Variants in RALGDS observed in about 807,000 individuals in gnomAD.
RALGDS encodes ral guanine nucleotide exchange factor.
RALGDS carries 44 observed loss-of-function variants against 99.8 expected under a neutral mutation model. The observed-to-expected ratio is 0.44, with a 90% confidence interval of 0.35 to 0.57. The LOEUF is 0.57. Among genes scored for constraint, RALGDS ranks in the 20% least tolerant of loss-of-function variants. RALGDS has a pLI of 0.01. For synonymous variants in RALGDS, 529 were observed against 505.0 expected (o/e 1.05, Z -0.64); for missense variants, 1,022 against 1,203.1 (o/e 0.85, Z 2.23).
intron 2 of RALGDS, among the ~76,000 whole-genome samples, chr9:133,111,599 T>C (rs1369504188): frequency 6.6e-6 from 1 of 152,214 alleles, no homozygotes; most frequent in African/African-American, 2.4e-5. Context: ...ACTGTTGAAG[T>C]GTCCTCAGAG....
chr9:133,148,802 C>T (rs1413552184), intron 1 of RALGDS, among the ~76,000 whole-genome samples: 1 of 152,212 alleles, frequency 6.6e-6, no homozygotes, highest in Non-Finnish European at 1.5e-5. Flanking sequence ...CTCTCCTGTC[C>T]TCAGTTTCCC....
At chr9:133,101,887 T>C in intron 15 of RALGDS, 51 bp downstream of exon 15, 1 of 1,550,884 alleles carries the variant, frequency 6.4e-7, no homozygotes, top group Non-Finnish European at 8.7e-7. Flanking sequence ...CATGCATGGA[T>C]TTGGAGTGGG....
At chr9:133,146,184 T>C (rs1429333181) in intron 1 of RALGDS, among the ~76,000 whole-genome samples, 2 of 144,076 alleles carry the variant, frequency 1.4e-5, no homozygotes, top group Admixed American at 6.9e-5. Flanking sequence ...TGTTTGTTTG[T>C]TTGTTTGTTC....
intron 1 of RALGDS, among the ~76,000 whole-genome samples, chr9:133,120,185 G>A (rs1238133682): frequency 6.6e-6 from 1 of 152,110 alleles, no homozygotes; most frequent in East Asian, 1.9e-4. Flanking sequence ...ACCACCCAGA[G>A]ACCCAGGGCA....
chr9:133,120,393 CGTGT>C (rs1323272060), intron 1 of RALGDS, among the ~76,000 whole-genome samples: 1 of 151,456 alleles, frequency 6.6e-6, no homozygotes, highest in Non-Finnish European at 1.5e-5. Flanking sequence ...TCTGGTCCCA[CGTGT>C]TGGAGGCCTG....
intron 1 of RALGDS, among the ~76,000 whole-genome samples, chr9:133,117,312 G>A (rs558398065): frequency 2.1e-4 from 32 of 152,262 alleles, no homozygotes; most frequent in Admixed American, 8.5e-4. Flanking sequence ...TCAGGAGCAC[G>A]TCTACATCTG....
chr9:133,129,155 G>T (rs1287782422), intron 1 of RALGDS: 1 of 1,595,394 alleles, frequency 6.3e-7, no homozygotes. Context: ...GGTGGCCGGT[G>T]CTGGCAGAGG....
chr9:133,128,984 G>A (rs1256648665), intron 1 of RALGDS, among the ~76,000 whole-genome samples: 1 of 152,188 alleles, frequency 6.6e-6, no homozygotes, highest in African/African-American at 2.4e-5. Flanking sequence ...TACCCGAGAT[G>A]GGAGATGAAG....
intron 1 of RALGDS, 97 bp downstream of exon 1, chr9:133,120,875 G>A: frequency 1.6e-6 from 2 of 1,290,126 alleles, no homozygotes; most frequent in South Asian, 1.7e-5. Context: ...CGCTGGGATC[G>A]CCCGGCCCCG....
chr9:133,112,658 C>T (rs572557140), intron 1 of RALGDS, among the ~76,000 whole-genome samples: 3 of 152,206 alleles, frequency 2.0e-5, no homozygotes, highest in Admixed American at 2.0e-4. Flanking sequence ...GGCATCCTCA[C>T]ACTCACCCCT....
At chr9:133,129,044 A>G in intron 1 of RALGDS, 1 of 1,376,442 alleles carries the variant, frequency 7.3e-7, no homozygotes, top group African/African-American at 1.5e-5. Flanking sequence ...CAGGGAAGAA[A>G]GGGAGTCCTG....
At chr9:133,101,339 C>A (rs532494418) in intron 16 of RALGDS, 181 bp downstream of exon 16, 27 of 1,473,960 alleles carry the variant, frequency 1.8e-5, no homozygotes, top group South Asian at 1.3e-4. Flanking sequence ...CTTTCCTCCC[C>A]CTCTGCCCTC....
Position 133,141,168 on chromosome 9 carries a change from G to A in RALGDS, c.18+7795C>T, listed in dbSNP as rs370989246. On this transcript the variant is annotated intron_variant, in intron 1 of 17. Coordinates refer to the RALGDS transcript ENST00000393160. ...CTCCATGAGAGCACCGGGAGTTCCT[G>A]CAGAGTTGTCACCAACAGTCCTACC... Among the ~76,000 whole-genome samples the A allele has an allele frequency of 2.6e-5, 4 of 152,144 alleles. No individual in the cohort carries two copies. In the East Asian group the frequency reaches 7.7e-4, roughly 29 times the overall value.
intron 3 of RALGDS, among the ~76,000 whole-genome samples, chr9:133,109,989 A>G (rs1831262090): frequency 6.6e-6 from 1 of 152,186 alleles, no homozygotes; most frequent in Non-Finnish European, 1.5e-5. Context: ...TGCTTCGCCC[A>G]AGGCCACATA....
upstream of RALGDS, among the ~76,000 whole-genome samples, chr9:133,132,725 C>T (rs1278979360): frequency 2.6e-5 from 4 of 152,050 alleles, no homozygotes; most frequent in African/African-American, 4.8e-5. Flanking sequence ...CTGCAACCTC[C>T]GACTCCCGGG....
chr9:133,104,854 G>A (rs1249749462), intron 9 of RALGDS, among the ~76,000 whole-genome samples: 1 of 152,128 alleles, frequency 6.6e-6, no homozygotes, highest in East Asian at 1.9e-4. Flanking sequence ...GGGCCTCAGA[G>A]ACTCTGCGCT....
chr9:133,103,695 AG>A (rs1830868529), intron 11 of RALGDS, 51 bp downstream of exon 11: 1 of 1,566,508 alleles, frequency 6.4e-7, no homozygotes, highest in Admixed American at 1.7e-5. Context: ...CCCAGGGCTC[AG>A]GGAAGGTCTC....
In RALGDS at chr9:133,102,790, G is replaced by T; in HGVS notation, c.1902C>A (p.Ser634Arg). 6.2e-7 allele frequency: 1 copy of T among 1,612,320 alleles called. No individual in the cohort carries two copies. Among genetic ancestry groups the T allele is most frequent in the Non-Finnish European group, 8.5e-7 (1 of 1,179,852 alleles). ...GAWFRAVERL[S>R]ETESYNLSCE... ...TGCCCCGGCCTCACCTCTCAGTCTC[G>T]CTGAGCCGCTCCACGGCCCGGAACC... Residue 634 changes from serine (S) to arginine (R), a missense_variant, in exon 13 of 18, where the codon AGC (serine) becomes AGA (arginine). Coordinates refer to ENST00000372050, the MANE Select transcript of RALGDS (RefSeq NM_006266.4).
At chr9:133,139,528 C>G (rs991204907) in intron 1 of RALGDS, among the ~76,000 whole-genome samples, 8 of 152,244 alleles carry the variant, frequency 5.3e-5, no homozygotes, top group African/African-American at 1.7e-4. Context: ...ACTGCTTCAC[C>G]CTTGAACTCC....
Sources: gnomAD v4.1 joint callset for allele counts (sites outside exome capture counted in the v4.1 genomes callset) on GRCh38, gnomAD v4.1.1 for gene constraint, MANE v1.5 for transcripts, NCBI Gene and HGNC (gene_info 2026-07-23, HGNC 2026-07-21) for gene names.